ANKIB1: variants seen among roughly 807,000 people sequenced by gnomAD.
The protein encoded by ANKIB1 is ankyrin repeat and IBR domain-containing protein 1.
In ANKIB1, 43 loss-of-function variants were observed where a neutral mutation model predicts 122.1. That is an observed-to-expected ratio of 0.35 (90% CI 0.28 to 0.45). The LOEUF is 0.45. Among genes scored for constraint, ANKIB1 ranks in the 20% least tolerant of loss-of-function variants. The pLI is 1.00. For missense variants in ANKIB1, 992 were observed against 1,329.5 expected (o/e 0.75, Z 3.95); for synonymous variants, 390 against 442.0 (o/e 0.88, Z 1.48).
intron 5 of ANKIB1, among the ~76,000 whole-genome samples, chr7:92,340,097 AT>A (rs35525211): frequency 6.6e-6 from 1 of 151,114 alleles, no homozygotes; most frequent in Non-Finnish European, 1.5e-5. Context: ...TGGCCACTGA[AT>A]TTTTTTTTAA....
At chr7:92,317,067 A>G (rs1221244117) in intron 3 of ANKIB1, among the ~76,000 whole-genome samples, 3 of 152,160 alleles carry the variant, frequency 2.0e-5, no homozygotes, top group South Asian at 2.1e-4. Context: ...CAGATAGTCT[A>G]TTTTGTGTTT....
Position 92,327,778 on chromosome 7 carries a change from C to T in ANKIB1, c.670-5C>T. 1 of 1,523,654 alleles carries T rather than the reference C, an allele frequency of 6.6e-7. No individual in the cohort carries two copies. Among genetic ancestry groups the T allele is most frequent in the Non-Finnish European group, 8.8e-7 (1 of 1,138,496 alleles). The allele number at this position is 1,523,654 out of a possible 1,614,324, so 94.4% of individuals were successfully genotyped here. A position where few individuals can be genotyped will look rare whatever the true frequency, so the allele number is the denominator to read the frequency against. Reference sequence around the variant, plus strand: ...CATTTAACTTTATTTTTTTTCTTTTCAAAGCCATATGAAGGATTAAGGCCT... The same window carrying T: ...CATTTAACTTTATTTTTTTTCTTTTTAAAGCCATATGAAGGATTAAGGCCT... On this transcript the variant is annotated splice_polypyrimidine_tract_variant and splice_region_variant and intron_variant, in intron 4 of 19. Coordinates refer to ENST00000265742, the MANE Select transcript of ANKIB1 (RefSeq NM_019004.2).
chr7:92,343,655 G>C (rs1803478982), intron 6 of ANKIB1, among the ~76,000 whole-genome samples: 1 of 151,986 alleles, frequency 6.6e-6, no homozygotes, highest in Admixed American at 6.6e-5. Flanking sequence ...AACATAGCCA[G>C]ACCCCATCTC....
intron 7 of ANKIB1, among the ~76,000 whole-genome samples, chr7:92,350,384 T>A (rs1307778034): frequency 6.6e-6 from 1 of 152,196 alleles, no homozygotes; most frequent in Non-Finnish European, 1.5e-5. Flanking sequence ...GTTTCAGATT[T>A]TTAGAGAGGG....
intron 7 of ANKIB1, chr7:92,347,892 G>A (rs2131980855): frequency 8.9e-6 from 3 of 338,084 alleles, no homozygotes; most frequent in South Asian, 7.0e-5. Context: ...GCTTAAAACA[G>A]GATCTTGCAT....
At chr7:92,395,011 G>A (rs944140856) in intron 17 of ANKIB1, among the ~76,000 whole-genome samples, 3 of 152,166 alleles carry the variant, frequency 2.0e-5, no homozygotes, top group African/African-American at 7.2e-5. Flanking sequence ...GGGTAACCAG[G>A]ATAATCATAA....
chr7:92,285,553 T>C (rs1006818067), intron 1 of ANKIB1, among the ~76,000 whole-genome samples: 2 of 152,246 alleles, frequency 1.3e-5, no homozygotes, highest in African/African-American at 4.8e-5. Context: ...TATTATTTTC[T>C]AGATGAGAAA....
chr7:92,329,458 T>C (rs1250156240), intron 5 of ANKIB1, among the ~76,000 whole-genome samples: 3 of 152,242 alleles, frequency 2.0e-5, no homozygotes, highest in Non-Finnish European at 4.4e-5. Context: ...TGAACAAGTC[T>C]ACCAAGTGGA....
intron 5 of ANKIB1, among the ~76,000 whole-genome samples, chr7:92,334,373 C>G (rs1236752098): frequency 6.6e-6 from 1 of 151,872 alleles, no homozygotes; most frequent in Non-Finnish European, 1.5e-5. Context: ...GTACTATGTC[C>G]CATTGCTAAC....
At chr7:92,304,941 AT>A (rs1227078053) in intron 2 of ANKIB1, among the ~76,000 whole-genome samples, 1 of 152,192 alleles carries the variant, frequency 6.6e-6, no homozygotes, top group Admixed American at 6.5e-5. Flanking sequence ...ATCCATGTAT[AT>A]TCAGAAGATT....
intron 2 of ANKIB1, among the ~76,000 whole-genome samples, chr7:92,301,721 T>C (rs2131928085): frequency 6.6e-6 from 1 of 152,338 alleles, no homozygotes; most frequent in African/African-American, 2.4e-5. Flanking sequence ...TTACATCATG[T>C]CTAATAAGGA....
At chr7:92,276,707 T>A (rs1323332323) in intron 1 of ANKIB1, among the ~76,000 whole-genome samples, 3 of 152,246 alleles carry the variant, frequency 2.0e-5, no homozygotes, top group African/African-American at 7.2e-5. Flanking sequence ...GTTTCGTTTT[T>A]ATCTGGCCTG....
intron 5 of ANKIB1, among the ~76,000 whole-genome samples, chr7:92,341,712 A>G (rs1351739421): frequency 6.6e-6 from 1 of 152,226 alleles, no homozygotes; most frequent in Non-Finnish European, 1.5e-5. Flanking sequence ...AACTCTGTAT[A>G]TACACAGATA....
chr7:92,314,162 G>A (rs937738921), intron 3 of ANKIB1, among the ~76,000 whole-genome samples: 1 of 151,994 alleles, frequency 6.6e-6, no homozygotes, highest in East Asian at 1.9e-4. Context: ...GCCAGTCGTG[G>A]TGATGCACGC....
At chr7:92,315,707 T>C (rs754986204) in intron 3 of ANKIB1, among the ~76,000 whole-genome samples, 7 of 152,128 alleles carry the variant, frequency 4.6e-5, no homozygotes, top group Non-Finnish European at 8.8e-5. Flanking sequence ...GAAACGCTGA[T>C]AGATTTGAGA....
intron 15 of ANKIB1, among the ~76,000 whole-genome samples, chr7:92,390,699 A>G (rs1293502201): frequency 1.3e-5 from 2 of 152,036 alleles, no homozygotes. Context: ...ATCAGTATTC[A>G]TTTTCTCCGT....
chr7:92,294,590 C>T (rs1044319332), intron 1 of ANKIB1: 7 of 270,992 alleles, frequency 2.6e-5, no homozygotes, highest in Non-Finnish European at 4.8e-5. Context: ...TCATTTTCTG[C>T]CATGTGAAGA....
chr7:92,338,926 AAAAAAAAAT>A (rs1308855140), intron 5 of ANKIB1, among the ~76,000 whole-genome samples: 13 of 58,812 alleles, frequency 2.2e-4, no homozygotes, highest in Admixed American at 5.2e-4. Context: ...AAAAAAAAAA[AAAAAAAAAT>A]ATATATATAT....
intron 10 of ANKIB1, 67 bp from the exon 11 acceptor site, chr7:92,371,410 T>G (rs928945555): frequency 8.2e-6 from 11 of 1,347,256 alleles, no homozygotes; most frequent in African/African-American, 3.0e-5. Flanking sequence ...GTGTGGAGGG[T>G]TTTTTTTTCC....
Sources: allele counts gnomAD v4.1 joint callset (sites outside exome capture counted in the v4.1 genomes callset), GRCh38; gene constraint gnomAD v4.1.1; transcripts MANE v1.5; gene names NCBI Gene and HGNC (gene_info 2026-07-23, HGNC 2026-07-21).